Variants in ESR1 observed in about 807,000 individuals in gnomAD.
ESR1 encodes estrogen receptor 1.
In ESR1, 12 loss-of-function variants were observed where a neutral mutation model predicts 52.7. The ratio of observed to expected loss-of-function variants is 0.23; its 90% CI spans 0.15 to 0.37. The LOEUF (loss-of-function observed/expected upper bound fraction) is 0.37, where lower values mean the gene tolerates loss of function less well. ESR1 is among the 10% of genes least tolerant of loss of function. The probability of loss-of-function intolerance (pLI) is 1.00; values close to 1 mark genes in which losing one functional copy is unlikely to be tolerated. For synonymous variants in ESR1, 305 were observed against 316.8 expected, an observed-to-expected ratio of 0.96 and a Z score of 0.39; for missense variants, 584 against 779.7, an observed-to-expected ratio of 0.75 and a Z score of 2.99.
chr6:152,106,507 T>C (rs986251550), downstream of ESR1, among the ~76,000 whole-genome samples: 16 of 152,234 alleles, frequency 1.1e-4, no homozygotes, highest in African/African-American at 3.6e-4. Context: ...ACCTTCATTT[T>C]TGAAGCGCGG....
intron 3 of ESR1, among the ~76,000 whole-genome samples, chr6:151,927,182 A>G (rs2032886426): frequency 6.6e-6 from 1 of 152,298 alleles, no homozygotes; most frequent in East Asian, 1.9e-4. Flanking sequence ...GCCATCAGAC[A>G]TGGAATAAAT....
chr6:151,956,843 A>ATATATATATAT (rs2037003332), intron 4 of ESR1, among the ~76,000 whole-genome samples: 2 of 44,462 alleles, frequency 4.5e-5, no homozygotes, highest in African/African-American at 1.5e-4. Flanking sequence ...AATATAAATA[A>ATATATATATAT]ATATATATAT....
chr6:152,082,058 T>C (rs1383205717), intron 6 of ESR1, among the ~76,000 whole-genome samples: 2 of 152,148 alleles, frequency 1.3e-5, no homozygotes, highest in Non-Finnish European at 2.9e-5. Flanking sequence ...TACCATTCCT[T>C]CAGAAACTAT....
At chr6:152,054,991 ATGT>A (rs143663443) in intron 5 of ESR1, among the ~76,000 whole-genome samples, 1,770 of 152,298 alleles carry the variant, frequency 0.012, 35 homozygotes, top group African/African-American at 0.041. Context: ...AGGTCCATCC[ATGT>A]TGTTGCAAGC....
intron 1 of ESR1, among the ~76,000 whole-genome samples, chr6:151,820,789 T>C (rs974815155): frequency 6.6e-6 from 1 of 152,220 alleles, no homozygotes; most frequent in Admixed American, 6.5e-5. Flanking sequence ...AAAGCATGTT[T>C]AAACAATTTT....
intron 2 of ESR1, among the ~76,000 whole-genome samples, chr6:151,709,121 A>T (rs570680469): frequency 6.6e-6 from 1 of 151,092 alleles, no homozygotes; most frequent in East Asian, 1.9e-4. Flanking sequence ...TCCAACCCTC[A>T]CCTCCCACCC....
chr6:151,852,247 C>A (rs764760086), intron 2 of ESR1, among the ~76,000 whole-genome samples: 1 of 152,096 alleles, frequency 6.6e-6, no homozygotes, highest in Non-Finnish European at 1.5e-5. Flanking sequence ...CAGCTCTCTG[C>A]GGATATTCCA....
chr6:151,732,996 C>A (rs113003088), intron 2 of ESR1, among the ~76,000 whole-genome samples: 1,916 of 152,300 alleles, frequency 0.013, 38 homozygotes, highest in African/African-American at 0.043. Flanking sequence ...TCTCTTGTTC[C>A]TTTATCCTGA....
At chr6:151,826,571 A>G (rs1411497828) in intron 1 of ESR1, among the ~76,000 whole-genome samples, 1 of 152,206 alleles carries the variant, frequency 6.6e-6, no homozygotes, top group Non-Finnish European at 1.5e-5. Flanking sequence ...TAGGCACCAC[A>G]TGGGATCCTT....
chr6:151,871,114 G>A (rs1002425356), intron 2 of ESR1, among the ~76,000 whole-genome samples: 1 of 151,282 alleles, frequency 6.6e-6, no homozygotes, highest in Non-Finnish European at 1.5e-5. Context: ...GCCTCCCAAA[G>A]TGCCTGGAAA....
chr6:151,856,992 G>C (rs965599566), intron 2 of ESR1, among the ~76,000 whole-genome samples: 1 of 152,076 alleles, frequency 6.6e-6, no homozygotes, highest in Non-Finnish European at 1.5e-5. Context: ...TGGCTACTTT[G>C]TTTCTGAATA....
intron 2 of ESR1, among the ~76,000 whole-genome samples, chr6:151,855,225 A>T (rs1562480987): frequency 6.6e-6 from 1 of 152,182 alleles, no homozygotes; most frequent in African/African-American, 2.4e-5. Flanking sequence ...GTTTTAAAAT[A>T]ATTTAAAAGT....
At chr6:151,814,706 G>A (rs532989388) in intron 1 of ESR1, among the ~76,000 whole-genome samples, 1 of 152,306 alleles carries the variant, frequency 6.6e-6, no homozygotes, top group East Asian at 1.9e-4. Context: ...TTGAAAGTTT[G>A]TTCATTCATT....
At chr6:151,743,652 G>C (rs370986480) in intron 2 of ESR1, among the ~76,000 whole-genome samples, 1 of 152,106 alleles carries the variant, frequency 6.6e-6, no homozygotes, top group Non-Finnish European at 1.5e-5. Context: ...CTTATCTCCA[G>C]AATTTCTAAC....
rs778911860 is a variant in ESR1 at position 152,001,530 on chromosome 6, GT to G, written c.1097-10122del. Among the ~76,000 whole-genome samples the G allele has an allele frequency of 1.6e-3, 244 of 152,156 alleles. 1 individual carries two copies. Among genetic ancestry groups the G allele is most frequent in the Non-Finnish European group, 1.6e-3 (106 of 67,956 alleles). ...AACAGGCAATTAAATTTCAGCATGA[GT>G]TTTGGTGGGGACAAACTACATCCCA... On this transcript the variant is annotated intron_variant, in intron 4 of 7. Coordinates refer to ENST00000206249, the MANE Select transcript of ESR1 (RefSeq NM_000125.4).
intron 2 of ESR1, among the ~76,000 whole-genome samples, chr6:151,702,513 A>G (rs1310706633): frequency 6.6e-6 from 1 of 152,190 alleles, no homozygotes; most frequent in Non-Finnish European, 1.5e-5. Flanking sequence ...TTTAACCCTA[A>G]AATAGGGGAA....
At chr6:151,805,756 C>G (rs940358975), upstream of ESR1, 5 of 152,488 alleles carry the variant, frequency 3.3e-5, no homozygotes, top group Admixed American at 6.5e-5. Context: ...CCTTCTCACT[C>G]TCTCGGCCCT....
chr6:151,737,375 T>G (rs1227320995), intron 2 of ESR1, among the ~76,000 whole-genome samples: 1 of 152,176 alleles, frequency 6.6e-6, no homozygotes, highest in Non-Finnish European at 1.5e-5. Context: ...CAAGTCCCAT[T>G]AATGCAAGCA....
At chr6:152,008,481 G>T (rs1023300803) in intron 4 of ESR1, among the ~76,000 whole-genome samples, 2 of 152,096 alleles carry the variant, frequency 1.3e-5, no homozygotes, top group African/African-American at 4.8e-5. Context: ...CTTATGGGGA[G>T]CTTCTTTGGC....
Sources: allele counts gnomAD v4.1 joint callset (sites outside exome capture counted in the v4.1 genomes callset), GRCh38; gene constraint gnomAD v4.1.1; transcripts MANE v1.5; gene names NCBI Gene and HGNC (gene_info 2026-07-23, HGNC 2026-07-21).